PCDHGC4: variants seen among roughly 807,000 people sequenced by gnomAD.
The protein encoded by PCDHGC4 is protocadherin gamma subfamily C, 4, also known as protocadherin gamma-C4.
Under a neutral mutation model 59.7 loss-of-function variants are expected in PCDHGC4, and 15 were observed. The ratio of observed to expected loss-of-function variants is 0.25; its 90% CI spans 0.17 to 0.39. The LOEUF (loss-of-function observed/expected upper bound fraction) is 0.39, where lower values mean the gene tolerates loss of function less well. Among genes scored for constraint, PCDHGC4 ranks in the 10% least tolerant of loss-of-function variants. PCDHGC4 has a pLI of 1.00. For missense variants in PCDHGC4, 1,016 were observed against 1,189.5 expected, an observed-to-expected ratio of 0.85 and a Z score of 2.15; for synonymous variants, 434 against 481.4, an observed-to-expected ratio of 0.90 and a Z score of 1.29.
chr5:141,510,613 C>T (rs559713771), intron 3 of PCDHGC4, among the ~76,000 whole-genome samples: 17 of 152,298 alleles, frequency 1.1e-4, no homozygotes, highest in Admixed American at 2.0e-4. Context: ...TTAGCATTCA[C>T]TAAAACCAGA....
intron 2 of PCDHGC4, among the ~76,000 whole-genome samples, chr5:141,498,710 T>C (rs2099785302): frequency 1.3e-5 from 2 of 152,108 alleles, no homozygotes. Flanking sequence ...GGTGGGTGGA[T>C]CACCTGAGGT....
chr5:141,489,191 T>C lies in PCDHGC4; in HGVS notation c.2442+1576T>C. On this transcript the variant is annotated intron_variant, in intron 1 of 3. Coordinates refer to ENST00000306593, the MANE Select transcript of PCDHGC4 (RefSeq NM_018928.3). The surrounding 1 kb of genome is among the most constrained non-coding windows in gnomAD (Gnocchi z 4.5). ...CTGCATTCCAAGCCCTGGGTCTACC[T>C]TGGAGACAGGACAGCACAGACTTAC... The C allele has an allele frequency of 7.3e-7, 1 of 1,364,400 alleles. No homozygotes were observed. Among genetic ancestry groups the C allele is most frequent in the Middle Eastern group, 1.9e-4 (1 of 5,334 alleles). The allele number at this position is 1,364,400 out of a possible 1,614,324, so 84.5% of individuals were successfully genotyped here. A position where few individuals can be genotyped will look rare whatever the true frequency, so the allele number is the denominator to read the frequency against.
At position 141,487,276 on chromosome 5, in the gene PCDHGC4, C is replaced by G; in HGVS notation, c.2103C>G (p.Cys701Trp). The change falls in exon 1 of 4, where the codon TGC (cysteine) becomes TGG (tryptophan). Residue 701 changes from cysteine to tryptophan, a missense_variant. Physicochemically the swap from Cys to Trp is radical, Grantham distance 215 (BLOSUM62 -2). Coordinates refer to ENST00000306593, the MANE Select transcript of PCDHGC4 (RefSeq NM_018928.3). The surrounding 1 kb of genome is among the most constrained non-coding windows in gnomAD (Gnocchi z 5.0). ...LYLAVSLVAI[C>W]FVSFGSFVAL... ...TGGCTGTGTCCCTAGTGGCAATTTG[C>G]TTTGTCTCCTTTGGCTCATTCGTGG... 1 of 1,614,158 alleles carries G rather than the reference C, an allele frequency of 6.2e-7. No homozygotes were observed. The highest frequency in any genetic ancestry group is 1.1e-5 in the South Asian group (1 of 91,082).
At chr5:141,492,240 C>T (rs1031016944) in intron 1 of PCDHGC4, among the ~76,000 whole-genome samples, 1 of 152,242 alleles carries the variant, frequency 6.6e-6, no homozygotes, top group African/African-American at 2.4e-5. Flanking sequence ...CTGCTGGCCA[C>T]CCCCACGGCC....
Position 141,485,618 on chromosome 5 carries a change from G to A in PCDHGC4, c.445G>A (p.Gly149Arg), listed in dbSNP as rs2099616729. 2.5e-6 allele frequency: 4 copies of A among 1,612,092 alleles called. No individual in the cohort carries two copies. Among genetic ancestry groups the A allele is most frequent in the Non-Finnish European group, 3.4e-6 (4 of 1,178,672 alleles). Residue 149 changes from glycine (G) to arginine (R), a missense_variant, in exon 1 of 4, where the codon GGA (glycine) becomes AGA (arginine). Coordinates refer to ENST00000306593, the MANE Select transcript of PCDHGC4 (RefSeq NM_018928.3). This position sits in a 1 kb window ranked among gnomAD's most constrained non-coding sequence, Gnocchi z 5.7. The stretch of plus-strand genomic sequence containing the variant: ...GGAAATTGGGGAGGCAGCTCCTCCA[G>A]GACAGCGTTTCCCGTTGGAAAAGGC... ...DLEIGEAAPPGQRFPLEKAQD... is the reference protein window; with the variant it reads ...DLEIGEAAPPRQRFPLEKAQD...
intron 1 of PCDHGC4, among the ~76,000 whole-genome samples, chr5:141,492,631 A>G (rs1203365582): frequency 6.6e-6 from 1 of 152,184 alleles, no homozygotes; most frequent in Non-Finnish European, 1.5e-5. Flanking sequence ...GCAGGACTCT[A>G]CGATCCTTGG....
Position 141,486,657 on chromosome 5 carries a change from T to C in PCDHGC4, c.1484T>C (p.Leu495Pro). Reference sequence around the variant, plus strand: ...AATGCGCTTATCTCCTACTCACTCCTGGAGCCCAGGAATCGAGATGTATCA... The same window carrying C: ...AATGCGCTTATCTCCTACTCACTCCCGGAGCCCAGGAATCGAGATGTATCA... Reference protein sequence around the residue: ...GLNALISYSLLEPRNRDVSAS... With the variant: ...GLNALISYSLPEPRNRDVSAS... Residue 495 changes from leucine to proline, a missense_variant, in exon 1 of 4, where the codon CTG (leucine) becomes CCG (proline). By Grantham distance (98) the Leu-to-Pro change is moderately conservative (BLOSUM62 -3). Transcript: ENST00000306593. The surrounding 1 kb of genome is among the most constrained non-coding windows in gnomAD (Gnocchi z 5.0). The C allele has an allele frequency of 6.2e-7, 1 of 1,614,010 alleles. No individual in the cohort carries two copies. Among genetic ancestry groups the C allele is most frequent in the Non-Finnish European group, 8.5e-7 (1 of 1,180,030 alleles).
At chr5:141,488,268 C>T (rs1371050827) in intron 1 of PCDHGC4, among the ~76,000 whole-genome samples, 1 of 152,170 alleles carries the variant, frequency 6.6e-6, no homozygotes, top group East Asian at 1.9e-4. Context: ...GCGGGTTGGT[C>T]ATCACCTTTG....
rs2099701571 is a variant in PCDHGC4, at chr5:141,490,550, A to G, written c.2442+2935A>G. On this transcript the variant is annotated intron_variant, in intron 1 of 3. Coordinates refer to ENST00000306593, the MANE Select transcript of PCDHGC4 (RefSeq NM_018928.3). This position sits in a 1 kb window ranked among gnomAD's most constrained non-coding sequence, Gnocchi z 5.4. ...GCTGGTTCACCTTCCCTACACAAACATCTCACCATCAGGCTCAACATTTCA... is the reference window on the plus strand; with the variant it reads ...GCTGGTTCACCTTCCCTACACAAACGTCTCACCATCAGGCTCAACATTTCA... 1 of 1,614,092 alleles carries G rather than the reference A, an allele frequency of 6.2e-7. No individual in the cohort carries two copies.
At position 141,491,134 on chromosome 5, in the gene PCDHGC4, C is replaced by T. The variant is rs1594979273; in HGVS notation, c.2442+3519C>T. Reference sequence around the variant, plus strand: ...ACACACTGGTGAGGTGCGCACAGCCCGGGCCTTACTGGAGGATGACTCTGA... The same window carrying T: ...ACACACTGGTGAGGTGCGCACAGCCTGGGCCTTACTGGAGGATGACTCTGA... On this transcript the variant is annotated intron_variant, in intron 1 of 3. Transcript: ENST00000306593. The surrounding 1 kb of genome is among the most constrained non-coding windows in gnomAD (Gnocchi z 6.9). The T allele has an allele frequency of 6.2e-7, 1 of 1,614,138 alleles. No homozygotes were observed. Among genetic ancestry groups the T allele is most frequent in the Non-Finnish European group, 8.5e-7 (1 of 1,179,994 alleles).
Position 141,493,404 on chromosome 5 carries a change from C to T in PCDHGC4, c.2443-1403C>T, listed in dbSNP as rs2099748048. Among the ~76,000 whole-genome samples, 1 of 152,148 alleles carries T rather than the reference C, an allele frequency of 6.6e-6. No individual in the cohort carries two copies. Among genetic ancestry groups the T allele is most frequent in the South Asian group, 2.1e-4 (1 of 4,826 alleles). ...CTTGAGGACAGGAGAGGGGAGTTGC[C>T]TCTGCTGGGATTTTGCTTCTGCTGG... On this transcript the variant is annotated intron_variant, in intron 1 of 3. Transcript: ENST00000306593. The surrounding 1 kb of genome is among the most constrained non-coding windows in gnomAD (Gnocchi z 4.3).
intron 2 of PCDHGC4, among the ~76,000 whole-genome samples, chr5:141,501,290 T>TACACACACACACAC (rs55762287): frequency 7.3e-6 from 1 of 136,164 alleles, no homozygotes; most frequent in Non-Finnish European, 1.6e-5. Context: ...TATTCCCTTA[T>TACACACACACACAC]ACACACACAC....
At chr5:141,500,221 TTTA>T (rs1428029040) in intron 2 of PCDHGC4, among the ~76,000 whole-genome samples, 2 of 151,002 alleles carry the variant, frequency 1.3e-5, no homozygotes, top group Non-Finnish European at 2.9e-5. Flanking sequence ...TATTTATTTA[TTTA>T]TTGATACGTA....
In PCDHGC4 at chr5:141,491,443, G is replaced by C. The variant is rs955584868; in HGVS notation, c.2443-3364G>C. On this transcript the variant is annotated intron_variant, in intron 1 of 3. Transcript: ENST00000306593. This position sits in a 1 kb window ranked among gnomAD's most constrained non-coding sequence, Gnocchi z 6.9. ...TGGAGGGCAGTGCTGCAGGCGCCAG[G>C]ACTCACCCTCCCCGGACTTCTATAA... 1 of 1,613,998 alleles carries C rather than the reference G, an allele frequency of 6.2e-7. No homozygotes were observed. Among genetic ancestry groups the C allele is most frequent in the Admixed American group, 1.7e-5 (1 of 60,000 alleles).
At chr5:141,502,483 G>A (rs773081419) in intron 2 of PCDHGC4, among the ~76,000 whole-genome samples, 42 of 152,144 alleles carry the variant, frequency 2.8e-4, no homozygotes, top group Non-Finnish European at 4.7e-4. Context: ...GCATCACACT[G>A]GGACTCATCT....
chr5:141,509,067 C>T (rs987332283), intron 3 of PCDHGC4, among the ~76,000 whole-genome samples: 1 of 152,132 alleles, frequency 6.6e-6, no homozygotes, highest in African/African-American at 2.4e-5. Flanking sequence ...CTCTCAGCTC[C>T]GGGGATTTGC....
At chr5:141,510,917 C>G in intron 3 of PCDHGC4, 30 bp from the exon 4 acceptor site, 1 of 1,613,854 alleles carries the variant, frequency 6.2e-7, no homozygotes, top group Non-Finnish European at 8.5e-7. Flanking sequence ...CTAAGTTTAG[C>G]TCCCACCTGA....
chr5:141,486,967 G>C lies in PCDHGC4; in HGVS notation c.1794G>C (p.Leu598Phe). The C allele has an allele frequency of 6.2e-7, 1 of 1,614,202 alleles. No homozygotes were observed. Among genetic ancestry groups the C allele is most frequent in the Non-Finnish European group, 8.5e-7 (1 of 1,180,032 alleles). ...TCACAAAGGTGACTGCTGTGGACTT[G>C]GATTCAGGTTACAATGCTTGGGTTT... ...HLITKVTAVD[L>F]DSGYNAWVSY... Residue 598 changes from leucine (L) to phenylalanine (F), a missense_variant, in exon 1 of 4, where the codon TTG becomes TTC. Physicochemically the swap from Leu to Phe is conservative, Grantham distance 22. Transcript: ENST00000306593. The surrounding 1 kb of genome is among the most constrained non-coding windows in gnomAD (Gnocchi z 5.0).
intron 2 of PCDHGC4, among the ~76,000 whole-genome samples, chr5:141,504,280 C>T (rs1027657223): frequency 6.6e-6 from 1 of 152,076 alleles, no homozygotes; most frequent in Admixed American, 6.6e-5. Context: ...AATTATGAAT[C>T]ATTTCATGTT....
Sources: gnomAD v4.1 joint callset for allele counts (sites outside exome capture counted in the v4.1 genomes callset) on GRCh38, gnomAD v4.1.1 for gene constraint, Gnocchi (gnomAD v3.1) non-coding constraint, MANE v1.5 for transcripts, NCBI Gene and HGNC (gene_info 2026-07-23, HGNC 2026-07-21) for gene names.